Variants in SUGCT observed in about 807,000 individuals in gnomAD.
The protein encoded by SUGCT is succinyl-CoA:glutarate CoA-transferase.
A neutral mutation model predicts 55.0 loss-of-function variants in SUGCT; 41 were observed. The observed-to-expected ratio is 0.74, with a 90% confidence interval of 0.58 to 0.97. The LOEUF (loss-of-function observed/expected upper bound fraction) is 0.97, where lower values mean the gene tolerates loss of function less well. Ranked by LOEUF, SUGCT falls within the 50% of genes least tolerant of loss-of-function variation. The pLI, the probability that SUGCT is intolerant of heterozygous loss-of-function variation, is 0.00. For missense variants in SUGCT, 568 were observed against 547.8 expected (o/e 1.04, Z -0.37); for synonymous variants, 187 against 200.4 (o/e 0.93, Z 0.56).
At chr7:40,653,699 G>A (rs1376640234) in intron 12 of SUGCT, among the ~76,000 whole-genome samples, 1 of 152,194 alleles carries the variant, frequency 6.6e-6, no homozygotes. Context: ...CAGATAGGCT[G>A]TGAATCTCTG....
At chr7:40,546,657 T>A (rs1259775578) in intron 12 of SUGCT, 1 of 152,184 alleles carries the variant, frequency 6.6e-6, no homozygotes, top group Non-Finnish European at 1.5e-5. Context: ...ATTTATGATC[T>A]ATCAAATTCA....
chr7:40,158,807 C>T lies in SUGCT; in HGVS notation c.101-22140C>T, dbSNP rs547333470. On this transcript the variant is annotated intron_variant, in intron 1 of 13. Transcript: ENST00000335693. ...ATGAGTAAATAAAATTTTTATGTCC[C>T]TAGCATTTACATATTTGTATTTTTT... 5.3e-5 allele frequency among the ~76,000 whole-genome samples: 8 copies of T among 152,102 alleles called. No homozygotes were observed. The South Asian group carries it at 1.7e-3, about 32-fold the overall frequency.
intron 13 of SUGCT, among the ~76,000 whole-genome samples, chr7:40,789,334 A>T (rs1275206935): frequency 6.6e-6 from 1 of 152,132 alleles, no homozygotes; most frequent in Non-Finnish European, 1.5e-5. Context: ...ACTATTTTAG[A>T]TACCTCAAGT....
chr7:40,452,533 C>T (rs556791785), intron 10 of SUGCT, among the ~76,000 whole-genome samples: 1 of 152,212 alleles, frequency 6.6e-6, no homozygotes, highest in Non-Finnish European at 1.5e-5. Context: ...GTTTTTAGAC[C>T]ACCTGCTCCA....
intron 12 of SUGCT, among the ~76,000 whole-genome samples, chr7:40,691,135 A>T (rs573618018): frequency 2.3e-4 from 35 of 152,334 alleles, no homozygotes; most frequent in African/African-American, 7.9e-4. Context: ...CGGATTCTAT[A>T]GAAACAGGAA....
chr7:40,210,080 T>A (rs1242967156), intron 6 of SUGCT, among the ~76,000 whole-genome samples: 1 of 152,064 alleles, frequency 6.6e-6, no homozygotes, highest in Non-Finnish European at 1.5e-5. Flanking sequence ...AATTTAATTT[T>A]ATTTATTTAC....
chr7:40,843,553 GA>G (rs1793394418), intron 13 of SUGCT, among the ~76,000 whole-genome samples: 1 of 151,144 alleles, frequency 6.6e-6, no homozygotes, highest in Admixed American at 6.6e-5. Flanking sequence ...TCACTGAGCA[GA>G]AATGTGAAGG....
At chr7:40,959,208 C>T in the SUGCT span, among the ~76,000 whole-genome samples, 5 of 152,324 alleles carry the variant, frequency 3.3e-5, no homozygotes, top group East Asian at 1.9e-4. Flanking sequence ...CTGGGAGGTC[C>T]GCTGCTATCT....
intron 9 of SUGCT, among the ~76,000 whole-genome samples, chr7:40,357,326 TA>T (rs962380595): frequency 7.9e-5 from 12 of 152,190 alleles, no homozygotes; most frequent in African/African-American, 1.9e-4. Flanking sequence ...CTAATTTAAT[TA>T]AAAAAATTCA....
chr7:40,246,712 T>G (rs1056664423), intron 7 of SUGCT, among the ~76,000 whole-genome samples: 1 of 151,788 alleles, frequency 6.6e-6, no homozygotes, highest in Non-Finnish European at 1.5e-5. Flanking sequence ...TTCTCGTGCC[T>G]CAGCCTCCCA....
intron 9 of SUGCT, among the ~76,000 whole-genome samples, chr7:40,362,433 C>CA (rs200051119): frequency 0.01 from 1,544 of 150,496 alleles, 13 homozygotes; most frequent in Non-Finnish European, 0.015. Flanking sequence ...GCTCCCCCCT[C>CA]AAAAAAAAAG....
rs116252364 is a variant in SUGCT, at chr7:40,652,557, T to G, written c.1090-96877T>G. Reference sequence around the variant, plus strand: ...GAAAATAGAATGGTATAGAGACAGATGCATCTCAGCCTAGCTCCAATTATC... The same window carrying G: ...GAAAATAGAATGGTATAGAGACAGAGGCATCTCAGCCTAGCTCCAATTATC... On this transcript the variant is annotated intron_variant, in intron 12 of 13. Transcript: ENST00000335693. 1.7e-3 allele frequency among the ~76,000 whole-genome samples: 263 copies of G among 152,348 alleles called. 2 individuals are homozygous for G. The highest frequency in any genetic ancestry group is 6.2e-3 in the African/African-American group (257 of 41,586).
intron 7 of SUGCT, among the ~76,000 whole-genome samples, chr7:40,245,425 T>TATATATATATATATATA (rs60745175): frequency 7.9e-5 from 1 of 12,674 alleles, no homozygotes; most frequent in South Asian, 4.8e-3. Context: ...ATATATATAT[T>TATATATATATATATATA]TTTTTTTTTT....
chr7:40,967,706 C>T, the SUGCT span, among the ~76,000 whole-genome samples: 78 of 151,914 alleles, frequency 5.1e-4, no homozygotes, highest in Non-Finnish European at 7.5e-4. Context: ...CTGCAAGCTC[C>T]GCCTCCCGGG....
At chr7:40,578,867 G>A (rs767689509) in intron 12 of SUGCT, among the ~76,000 whole-genome samples, 2 of 152,046 alleles carry the variant, frequency 1.3e-5, no homozygotes, top group Non-Finnish European at 2.9e-5. Flanking sequence ...ATTTAATTCT[G>A]TTTATTTTTT....
At chr7:40,245,423 A>ATTTTTT (rs1168316176) in intron 7 of SUGCT, among the ~76,000 whole-genome samples, 10 of 54,582 alleles carry the variant, frequency 1.8e-4, no homozygotes, top group African/African-American at 6.2e-4. Flanking sequence ...ATATATATAT[A>ATTTTTT]TTTTTTTTTT....
At chr7:40,813,592 G>A (rs887954587) in intron 13 of SUGCT, among the ~76,000 whole-genome samples, 3 of 152,078 alleles carry the variant, frequency 2.0e-5, no homozygotes, top group Non-Finnish European at 4.4e-5. Context: ...TCTTTACTTT[G>A]AGCCTATGGG....
chr7:40,449,262 T>G (rs781057908), intron 9 of SUGCT, 25 bp from the exon 10 acceptor site: 50 of 1,502,242 alleles, frequency 3.3e-5, no homozygotes, highest in Non-Finnish European at 4.4e-5. Flanking sequence ...TAAATAATAT[T>G]TACCTGTGTA....
chr7:40,753,426 G>T (rs544996905), intron 13 of SUGCT, among the ~76,000 whole-genome samples: 1 of 152,250 alleles, frequency 6.6e-6, no homozygotes, highest in Admixed American at 6.5e-5. Context: ...GAATTTGCTA[G>T]ACATAGTTCT....
Sources: allele counts gnomAD v4.1 joint callset (sites outside exome capture counted in the v4.1 genomes callset), GRCh38; gene constraint gnomAD v4.1.1; transcripts MANE v1.5; gene names NCBI Gene and HGNC (gene_info 2026-07-23, HGNC 2026-07-21).